ZDHHC14: variants seen among roughly 807,000 people sequenced by gnomAD.
The protein encoded by ZDHHC14 is palmitoyltransferase ZDHHC14.
A neutral mutation model predicts 47.7 loss-of-function variants in ZDHHC14; 16 were observed. The observed-to-expected ratio is 0.34, with a 90% CI of 0.23 to 0.51. The LOEUF is 0.51. ZDHHC14 is among the 20% of genes least tolerant of loss of function. ZDHHC14 has a pLI of 0.97. For missense variants in ZDHHC14, 515 were observed against 662.5 expected (o/e 0.78, Z 2.44); for synonymous variants, 293 against 278.9 (o/e 1.05, Z -0.50).
chr6:157,466,356 A>T (rs1779216298), intron 1 of ZDHHC14, among the ~76,000 whole-genome samples: 1 of 152,174 alleles, frequency 6.6e-6, no homozygotes, highest in South Asian at 2.1e-4. Flanking sequence ...CATTGACAGG[A>T]TCACAGCCCA....
rs775348458 is a variant in ZDHHC14, at chr6:157,540,908, G to A, written c.246-1677G>A. On this transcript the variant is annotated intron_variant, in intron 1 of 8. Transcript: ENST00000359775. ...TATGTATGTGTGTGTGTGTGTGTGT[G>A]TGTATATATATATATATATATATAT... Among the ~76,000 whole-genome samples the A allele has an allele frequency of 6.0e-3, 792 of 131,072 alleles. 11 individuals carry two copies. Among genetic ancestry groups the A allele is most frequent in the Non-Finnish European group, 1.0e-2 (657 of 65,808 alleles). 86.0% of individuals were successfully genotyped at this position (131,072 alleles called of 152,430 possible).
intron 8 of ZDHHC14, among the ~76,000 whole-genome samples, chr6:157,659,576 G>C (rs545588767): frequency 1.3e-5 from 2 of 152,282 alleles, no homozygotes; most frequent in African/African-American, 4.8e-5. Flanking sequence ...AGGCAACAAA[G>C]ACCATCACAG....
At position 157,606,956 on chromosome 6, in the gene ZDHHC14, G is replaced by T. The variant is rs528822268; in HGVS notation, c.565+13810G>T. Among the ~76,000 whole-genome samples the T allele has an allele frequency of 3.3e-5, 5 of 152,274 alleles. No individual in the cohort carries two copies. In the South Asian group the frequency reaches 1.0e-3, roughly 32 times the overall value. ...TGCAGCTATTTTATATGGTGTCATG[G>T]TTATTGCAGATAGCTCAGCATAACA... On this transcript the variant is annotated intron_variant, in intron 3 of 8. Coordinates refer to ENST00000359775, the MANE Select transcript of ZDHHC14 (RefSeq NM_024630.3).
At chr6:157,515,111 TG>T (rs1780634096) in intron 1 of ZDHHC14, among the ~76,000 whole-genome samples, 1 of 152,178 alleles carries the variant, frequency 6.6e-6, no homozygotes, top group Non-Finnish European at 1.5e-5. Flanking sequence ...GAAGGTTGCT[TG>T]GTGAGTGGGG....
chr6:157,579,162 A>G lies in ZDHHC14; in HGVS notation c.407-13826A>G, dbSNP rs943129193. Among the ~76,000 whole-genome samples, 5 of 124,576 alleles carry G rather than the reference A, an allele frequency of 4.0e-5. No homozygotes were observed. In the East Asian group the frequency reaches 7.3e-4, roughly 18 times the overall value. The allele number at this position is 124,576 out of a possible 152,430, so 81.7% of individuals were successfully genotyped here. ...GAATCTGTAAATTGCTTTTGGCACT[A>G]TGGCCATTTTAATGATATTGATTCT... On this transcript the variant is annotated intron_variant, in intron 2 of 8. Coordinates refer to ENST00000359775, the MANE Select transcript of ZDHHC14 (RefSeq NM_024630.3).
chr6:157,468,954 G>T (rs965327517), intron 1 of ZDHHC14, among the ~76,000 whole-genome samples: 1 of 152,204 alleles, frequency 6.6e-6, no homozygotes, highest in East Asian at 1.9e-4. Flanking sequence ...ATAAAACCCA[G>T]GTCTCTATTC....
intron 1 of ZDHHC14, among the ~76,000 whole-genome samples, chr6:157,534,080 C>T (rs1366432642): frequency 1.3e-5 from 2 of 152,120 alleles, no homozygotes; most frequent in Admixed American, 1.3e-4. Context: ...CTTTCCTATA[C>T]AGAGTTTCCA....
At chr6:157,669,862 C>G (rs1778715023) in intron 8 of ZDHHC14, among the ~76,000 whole-genome samples, 1 of 152,226 alleles carries the variant, frequency 6.6e-6, no homozygotes, top group Admixed American at 6.5e-5. Context: ...TGCGGAGTTA[C>G]AGGAAATGGG....
rs376175539 is a variant in ZDHHC14 at position 157,445,868 on chromosome 6, T to C, written c.245+63602T>C. On this transcript the variant is annotated intron_variant, in intron 1 of 8. Transcript: ENST00000359775. ...GTTTAGTAGTTATGAAACCGAGGCA[T>C]CAACTTAATATCCTTCTCCCAGCAA... Among the ~76,000 whole-genome samples, 106 of 152,198 alleles carry C rather than the reference T, an allele frequency of 7.0e-4. 1 individual carries two copies. Among genetic ancestry groups the C allele is most frequent in the African/African-American group, 2.5e-3 (103 of 41,526 alleles).
intron 5 of ZDHHC14, among the ~76,000 whole-genome samples, chr6:157,642,042 A>G (rs1048554319): frequency 1.3e-5 from 2 of 149,744 alleles, no homozygotes; most frequent in Non-Finnish European, 3.0e-5. Context: ...AGATAGATAG[A>G]TAGATAGATA....
Position 157,538,411 on chromosome 6 carries a change from A to G in ZDHHC14, c.246-4174A>G, listed in dbSNP as rs552982616. On this transcript the variant is annotated intron_variant, in intron 1 of 8. Coordinates refer to ENST00000359775, the MANE Select transcript of ZDHHC14 (RefSeq NM_024630.3). ...GACAAAAGTAGAGAAGTTCTAGACC[A>G]GGTCTGTGGTTGCTGAGGGTATGGG... is the stretch of plus-strand genomic sequence containing the variant. 2.6e-5 allele frequency among the ~76,000 whole-genome samples: 4 copies of G among 152,350 alleles called. No homozygotes were observed. In the East Asian group the frequency reaches 7.7e-4, roughly 29 times the overall value.
intron 7 of ZDHHC14, among the ~76,000 whole-genome samples, chr6:157,647,632 C>T (rs1239072432): frequency 1.3e-5 from 2 of 152,148 alleles, no homozygotes. Context: ...GCCTGTGGCC[C>T]TGCTAATGAC....
intron 1 of ZDHHC14, among the ~76,000 whole-genome samples, chr6:157,393,810 CTTCT>C (rs1777468079): frequency 1.3e-5 from 2 of 152,142 alleles, no homozygotes; most frequent in Non-Finnish European, 2.9e-5. Context: ...TCTTGTATCT[CTTCT>C]TTCTTTCTTG....
In ZDHHC14 at chr6:157,673,136, A is replaced by G. The variant is rs2115019125; in HGVS notation, c.*14A>G. 1 of 1,554,508 alleles carries G rather than the reference A, an allele frequency of 6.4e-7. No individual in the cohort carries two copies. The highest frequency in any genetic ancestry group is 8.6e-7 in the Non-Finnish European group (1 of 1,160,676). ...AGCTCCGTGTGACCCACATGGCCCC[A>G]GGCCGGGGGACACCAGAGGCTCCTC... is the stretch of plus-strand genomic sequence containing the variant. On this transcript the variant is annotated 3_prime_UTR_variant, in exon 9 of 9. Transcript: ENST00000359775. The surrounding 1 kb of genome is among the most constrained non-coding windows in gnomAD (Gnocchi z 5.4).
chr6:157,655,033 C>T (rs1006905360), intron 8 of ZDHHC14, among the ~76,000 whole-genome samples: 25 of 152,150 alleles, frequency 1.6e-4, no homozygotes, highest in African/African-American at 4.6e-4. Context: ...CTGTGCCAGG[C>T]GTGTTTTCTT....
chr6:157,499,152 G>A (rs774485332), intron 1 of ZDHHC14, among the ~76,000 whole-genome samples: 2 of 152,184 alleles, frequency 1.3e-5, no homozygotes, highest in Non-Finnish European at 2.9e-5. Context: ...CTGGGGATCA[G>A]AGAACACTTT....
chr6:157,546,381 G>C (rs542585211), intron 2 of ZDHHC14, among the ~76,000 whole-genome samples: 1 of 151,012 alleles, frequency 6.6e-6, no homozygotes, highest in African/African-American at 2.4e-5. Context: ...CCTTATAGAA[G>C]CCCATAATGG....
intron 3 of ZDHHC14, among the ~76,000 whole-genome samples, chr6:157,621,533 C>G (rs1358633812): frequency 6.6e-6 from 1 of 152,128 alleles, no homozygotes; most frequent in Admixed American, 6.5e-5. Context: ...ACATCCTGAC[C>G]AAGCTGAGCC....
rs1287126699 is a variant in ZDHHC14, at chr6:157,586,182, T to C, written c.407-6806T>C. On this transcript the variant is annotated intron_variant, in intron 2 of 8. Coordinates refer to ENST00000359775, the MANE Select transcript of ZDHHC14 (RefSeq NM_024630.3). This position sits in a 1 kb window ranked among gnomAD's most constrained non-coding sequence, Gnocchi z 4.6. ...TCTGAGTTCCTGCTGTGTCCCCAGCTCAGAGCCCAGGGCTGGCCCCCAGTA... is the reference window on the plus strand; with the variant it reads ...TCTGAGTTCCTGCTGTGTCCCCAGCCCAGAGCCCAGGGCTGGCCCCCAGTA... Among the ~76,000 whole-genome samples the C allele has an allele frequency of 1.3e-5, 2 of 152,002 alleles. No homozygotes were observed. The highest frequency in any genetic ancestry group is 2.9e-5 in the Non-Finnish European group (2 of 68,006).
Sources: gnomAD v4.1 joint callset for allele counts (sites outside exome capture counted in the v4.1 genomes callset) on GRCh38, gnomAD v4.1.1 for gene constraint, Gnocchi (gnomAD v3.1) non-coding constraint, MANE v1.5 for transcripts, NCBI Gene and HGNC (gene_info 2026-07-23, HGNC 2026-07-21) for gene names.